PTPN22: variants seen among roughly 807,000 people sequenced by gnomAD.
PTPN22 encodes protein tyrosine phosphatase non-receptor type 22, also known as tyrosine-protein phosphatase non-receptor type 22.
In PTPN22, 85 loss-of-function variants were observed where a neutral mutation model predicts 103.3. The observed-to-expected ratio is 0.82, with a 90% CI of 0.69 to 0.99. The LOEUF is 0.99. PTPN22 is among the 50% of genes least tolerant of loss of function. The pLI is 0.00. For synonymous variants in PTPN22, 323 were observed against 310.2 expected (o/e 1.04, Z -0.43); for missense variants, 865 against 936.9 (o/e 0.92, Z 1.00).
At chr1:113,833,080 A>C in intron 16 of PTPN22, 31 bp downstream of exon 16, 1 of 1,546,252 alleles carries the variant, frequency 6.5e-7, no homozygotes, top group South Asian at 1.1e-5. Flanking sequence ...CTTAGGGCTA[A>C]ATGTCATCTA....
chr1:113,819,080 T>C (rs1341917089), intron 20 of PTPN22, among the ~76,000 whole-genome samples: 3 of 152,274 alleles, frequency 2.0e-5, no homozygotes, highest in Non-Finnish European at 2.9e-5. Flanking sequence ...CATAGGACAA[T>C]AGAATGCTTA....
At chr1:113,854,879 G>T (rs978909032) in intron 8 of PTPN22, 28 bp downstream of exon 8, 5 of 1,603,474 alleles carry the variant, frequency 3.1e-6, no homozygotes, top group Non-Finnish European at 3.4e-6. Context: ...GTTCATTTTG[G>T]GTAGAAGGTT....
intron 11 of PTPN22, among the ~76,000 whole-genome samples, chr1:113,846,893 GT>G (rs544828831): frequency 6.7e-6 from 1 of 150,268 alleles, no homozygotes; most frequent in Admixed American, 6.6e-5. Context: ...CTTTTTTGTC[GT>G]TTTTTGTTTT....
intron 11 of PTPN22, among the ~76,000 whole-genome samples, chr1:113,842,214 A>C (rs967048137): frequency 3.3e-5 from 5 of 151,974 alleles, no homozygotes; most frequent in African/African-American, 1.2e-4. Flanking sequence ...TGACTAAAAA[A>C]AAAGTAGGGG....
At chr1:113,857,198 A>G (rs1665158806) in intron 5 of PTPN22, among the ~76,000 whole-genome samples, 1 of 152,230 alleles carries the variant, frequency 6.6e-6, no homozygotes, top group African/African-American at 2.4e-5. Context: ...TTTTATATTT[A>G]TAGCTAATCT....
At position 113,859,098 on chromosome 1, in the gene PTPN22, C is replaced by T. The variant is rs55820221; in HGVS notation, c.197-20G>A. ...AATCATCTATAATACAAAAGACAGA[C>T]ATAGTACAATTAAGAGGGCTTAGTC... On this transcript the variant is annotated intron_variant, in intron 2 of 20. Transcript: ENST00000359785. 6 of 1,612,018 alleles carry T rather than the reference C, an allele frequency of 3.7e-6. No homozygotes were observed. In the East Asian group the frequency reaches 1.1e-4, roughly 30 times the overall value.
exon 15 of PTPN22, chr1:113,834,312 G>T (rs926728100): frequency 1.2e-6 from 2 of 1,613,364 alleles, no homozygotes; most frequent in Non-Finnish European, 1.7e-6. Flanking sequence ...TATTGACCTT[G>T]CTTGGTCTAA....
At chr1:113,843,330 T>C (rs554420269) in intron 11 of PTPN22, among the ~76,000 whole-genome samples, 1 of 151,954 alleles carries the variant, frequency 6.6e-6, no homozygotes, top group African/African-American at 2.4e-5. Context: ...TATAAACATA[T>C]ACAATGGAAT....
intron 1 of PTPN22, among the ~76,000 whole-genome samples, 170 bp downstream of exon 1, chr1:113,871,367 G>A (rs1381231265): frequency 6.6e-6 from 1 of 151,992 alleles, no homozygotes; most frequent in Non-Finnish European, 1.5e-5. Flanking sequence ...GAGAATACCT[G>A]AAATACATGC....
intron 11 of PTPN22, among the ~76,000 whole-genome samples, chr1:113,840,005 A>G (rs938949081): frequency 6.6e-6 from 1 of 152,110 alleles, no homozygotes; most frequent in Non-Finnish European, 1.5e-5. Flanking sequence ...TGAGGTCAGG[A>G]GTTTGAAACC....
At chr1:113,848,686 A>C (rs1664306786) in intron 10 of PTPN22, 60 bp from the exon 11 acceptor site, 5 of 1,499,132 alleles carry the variant, frequency 3.3e-6, no homozygotes, top group Non-Finnish European at 4.6e-6. Flanking sequence ...GGTGAACGAC[A>C]GGACCAGATT....
chr1:113,849,795 C>T (rs1664400458), intron 10 of PTPN22, among the ~76,000 whole-genome samples: 3 of 152,050 alleles, frequency 2.0e-5, no homozygotes, highest in Middle Eastern at 6.8e-3. Context: ...CACTATGTTG[C>T]CCAGGCTGGT....
intron 18 of PTPN22, among the ~76,000 whole-genome samples, chr1:113,828,330 G>A (rs886683298): frequency 1.3e-5 from 2 of 152,062 alleles, no homozygotes; most frequent in Non-Finnish European, 2.9e-5. Context: ...CACACTCCCA[G>A]GTTGTAAAAG....
chr1:113,866,891 G>T (rs752811042), intron 1 of PTPN22, among the ~76,000 whole-genome samples: 11 of 152,108 alleles, frequency 7.2e-5, no homozygotes, highest in African/African-American at 1.2e-4. Flanking sequence ...GGGATTACAG[G>T]CATGTGCCAC....
At chr1:113,825,621 G>C (rs1661981464) in intron 18 of PTPN22, among the ~76,000 whole-genome samples, 1 of 152,184 alleles carries the variant, frequency 6.6e-6, no homozygotes, top group African/African-American at 2.4e-5. Context: ...AGGAGTTCAA[G>C]GCTACAGTGA....
At chr1:113,848,683 G>C in intron 10 of PTPN22, 57 bp from the exon 11 acceptor site, 1 of 1,500,544 alleles carries the variant, frequency 6.7e-7, no homozygotes, top group South Asian at 1.2e-5. Context: ...ATTGGTGAAC[G>C]ACAGGACCAG....
At chr1:113,824,790 G>A (rs1262220408) in intron 19 of PTPN22, among the ~76,000 whole-genome samples, 2 of 152,004 alleles carry the variant, frequency 1.3e-5, no homozygotes, top group Non-Finnish European at 2.9e-5. Flanking sequence ...CTTGAGCCCA[G>A]GAGTTCGAGA....
At chr1:113,859,164 G>C in intron 2 of PTPN22, 86 bp from the exon 3 acceptor site, 1 of 1,574,258 alleles carries the variant, frequency 6.4e-7, no homozygotes, top group Non-Finnish European at 8.6e-7. Flanking sequence ...AATAGTGTAT[G>C]CTCATGAGTG....
chr1:113,829,513 C>G, intron 18 of PTPN22, 79 bp downstream of exon 18: 1 of 658,562 alleles, frequency 1.5e-6, no homozygotes, highest in East Asian at 2.7e-5. Flanking sequence ...TCTAATTTTC[C>G]ATCTTAATGC....
Sources: allele counts gnomAD v4.1 joint callset (sites outside exome capture counted in the v4.1 genomes callset), GRCh38; gene constraint gnomAD v4.1.1; transcripts MANE v1.5; gene names NCBI Gene and HGNC (gene_info 2026-07-23, HGNC 2026-07-21).